AGBL1: variants seen among roughly 807,000 people sequenced by gnomAD.
AGBL1 encodes cytosolic carboxypeptidase 4.
Under a neutral mutation model 118.9 loss-of-function variants are expected in AGBL1, and 130 were observed. The ratio of observed to expected loss-of-function variants is 1.09; its 90% CI spans 0.95 to 1.26. The LOEUF is 1.26. AGBL1 is among the 50% of genes most tolerant of loss of function. The probability of loss-of-function intolerance (pLI) is 0.00; values close to 1 mark genes in which losing one functional copy is unlikely to be tolerated. For missense variants in AGBL1, 1,584 were observed against 1,298.1 expected (o/e 1.22, Z -3.38); for synonymous variants, 555 against 478.9 (o/e 1.16, Z -2.08).
At chr15:87,018,919 G>A (rs1003593928) in intron 24 of AGBL1, among the ~76,000 whole-genome samples, 6 of 152,008 alleles carry the variant, frequency 3.9e-5, no homozygotes, top group African/African-American at 7.2e-5. Context: ...CAAAATAAAG[G>A]AATGGAGGAA....
At chr15:86,628,069 C>A (rs141047535) in intron 21 of AGBL1, among the ~76,000 whole-genome samples, 173 of 152,258 alleles carry the variant, frequency 1.1e-3, no homozygotes, top group African/African-American at 3.9e-3. Flanking sequence ...TCTGTCTTTC[C>A]AAATAGTTCT....
In AGBL1 at chr15:86,362,150, T is replaced by C. The variant is rs537720502; in HGVS notation, c.2375-35216T>C. Among the ~76,000 whole-genome samples, 5 of 152,294 alleles carry C rather than the reference T, an allele frequency of 3.3e-5. 1 individual carries two copies. In the South Asian group the frequency reaches 8.3e-4, roughly 25 times the overall value. The stretch of plus-strand genomic sequence containing the variant: ...AAATTATCTTACAGTTATAACACTA[T>C]TTTTAGCTGCTAATAACTTCAGTCA... On this transcript the variant is annotated intron_variant, in intron 17 of 22. Coordinates refer to ENST00000614907, the MANE Select transcript of AGBL1 (RefSeq NM_001386094.1).
chr15:86,848,237 G>C (rs569767716), intron 22 of AGBL1, among the ~76,000 whole-genome samples: 19 of 152,180 alleles, frequency 1.2e-4, no homozygotes, highest in African/African-American at 4.3e-4. Context: ...CCTCGACTTT[G>C]TGTATGCATT....
chr15:86,406,697 T>C (rs2142003721), intron 18 of AGBL1, among the ~76,000 whole-genome samples: 1 of 152,336 alleles, frequency 6.6e-6, no homozygotes, highest in Non-Finnish European at 1.5e-5. Context: ...TTGACAGCTT[T>C]AGGTATATCA....
chr15:86,613,369 T>G lies in AGBL1; in HGVS notation c.2994+58832T>G, dbSNP rs2084682660. On this transcript the variant is annotated intron_variant, in intron 21 of 22. Transcript: ENST00000614907. The surrounding 1 kb of genome is among the most constrained non-coding windows in gnomAD (Gnocchi z 4.2). ...ATCTAATGGGGCAGTAGGACACCGG[T>G]TGGTGCGTGGACAGTTAGTGGGTGA... is the stretch of plus-strand genomic sequence containing the variant. 6.6e-6 allele frequency among the ~76,000 whole-genome samples: 1 copy of G among 152,136 alleles called. No individual in the cohort carries two copies. The highest frequency in any genetic ancestry group is 6.6e-5 in the Admixed American group (1 of 15,266).
At chr15:86,298,204 G>A (rs2141785821) in intron 17 of AGBL1, among the ~76,000 whole-genome samples, 1 of 123,926 alleles carries the variant, frequency 8.1e-6, no homozygotes, top group East Asian at 2.2e-4. Flanking sequence ...GTTTCAGCAG[G>A]GCTACATAAT....
At chr15:86,766,424 T>C (rs1567163752) in intron 22 of AGBL1, among the ~76,000 whole-genome samples, 1 of 152,034 alleles carries the variant, frequency 6.6e-6, no homozygotes, top group Non-Finnish European at 1.5e-5. Context: ...TTTGTAGGTC[T>C]AACCCTATGT....
At chr15:86,319,905 C>A (rs553641539) in intron 17 of AGBL1, among the ~76,000 whole-genome samples, 19 of 151,566 alleles carry the variant, frequency 1.3e-4, no homozygotes, top group African/African-American at 4.6e-4. Context: ...TACAGGCACC[C>A]GCCACCACAT....
At chr15:86,727,528 C>T (rs1447581496) in intron 22 of AGBL1, among the ~76,000 whole-genome samples, 1 of 152,088 alleles carries the variant, frequency 6.6e-6, no homozygotes, top group Non-Finnish European at 1.5e-5. Flanking sequence ...GATAGTTCTT[C>T]CCCAAGAACT....
chr15:86,543,199 C>T (rs183602287), intron 19 of AGBL1, among the ~76,000 whole-genome samples: 1 of 148,530 alleles, frequency 6.7e-6, no homozygotes, highest in East Asian at 1.9e-4. Flanking sequence ...TAGTGTTTGC[C>T]CTATTGTTTA....
At chr15:86,137,327 G>T (rs969135080) in intron 1 of AGBL1, among the ~76,000 whole-genome samples, 14 of 152,196 alleles carry the variant, frequency 9.2e-5, no homozygotes, top group Non-Finnish European at 1.9e-4. Context: ...TCTCTGGTTT[G>T]TTTGTGAAAC....
At chr15:86,637,275 C>T (rs542826157) in intron 21 of AGBL1, among the ~76,000 whole-genome samples, 1 of 151,950 alleles carries the variant, frequency 6.6e-6, no homozygotes, top group East Asian at 1.9e-4. Flanking sequence ...AGTGGAGGGT[C>T]ATGAAAAGTG....
intron 22 of AGBL1, among the ~76,000 whole-genome samples, chr15:86,863,730 T>C (rs1369669200): frequency 6.6e-6 from 1 of 152,174 alleles, no homozygotes; most frequent in African/African-American, 2.4e-5. Context: ...ATCATGGGCA[T>C]AACAAAGTAA....
intron 4 of AGBL1, 113 bp from the exon 5 acceptor site, chr15:86,158,820 G>C (rs1053725792): frequency 3.6e-6 from 3 of 842,896 alleles, no homozygotes; most frequent in African/African-American, 3.4e-5. Flanking sequence ...AAGAAAGGGA[G>C]CTATCTTGTT....
chr15:86,862,902 G>T lies in AGBL1; in HGVS notation c.3159-44185G>T, dbSNP rs537525193. Among the ~76,000 whole-genome samples the T allele has an allele frequency of 6.6e-5, 10 of 152,342 alleles. 1 individual carries two copies. In the East Asian group the frequency reaches 1.7e-3, roughly 26 times the overall value. Reference sequence around the variant, plus strand: ...GAAAATGCACTATGTAAGGAAAAGAGTCCTACATTAATTGGACCAAACATG... The same window carrying T: ...GAAAATGCACTATGTAAGGAAAAGATTCCTACATTAATTGGACCAAACATG... On this transcript the variant is annotated intron_variant, in intron 22 of 22. Transcript: ENST00000614907.
intron 21 of AGBL1, among the ~76,000 whole-genome samples, chr15:86,654,907 A>T (rs1567105942): frequency 6.6e-6 from 1 of 152,146 alleles, no homozygotes; most frequent in East Asian, 1.9e-4. Context: ...CCACTCTGGA[A>T]TCTCTCTCAG....
chr15:86,673,867 A>G (rs1406908688), intron 21 of AGBL1, among the ~76,000 whole-genome samples: 1 of 152,160 alleles, frequency 6.6e-6, no homozygotes, highest in Non-Finnish European at 1.5e-5. Flanking sequence ...AATTCAGAGG[A>G]AGGAAAAGTT....
At chr15:86,425,195 G>A (rs1596099236) in intron 18 of AGBL1, among the ~76,000 whole-genome samples, 1 of 152,166 alleles carries the variant, frequency 6.6e-6, no homozygotes, top group African/African-American at 2.4e-5. Context: ...ATACACCATG[G>A]AATACTATGC....
At chr15:86,279,585 C>A (rs1026232493) in intron 15 of AGBL1, 54 bp from the exon 16 acceptor site, 1 of 1,559,584 alleles carries the variant, frequency 6.4e-7, no homozygotes, top group East Asian at 2.3e-5. Context: ...AATGACCCTG[C>A]ACCCCCCTCC....
Sources: allele counts gnomAD v4.1 joint callset (sites outside exome capture counted in the v4.1 genomes callset), GRCh38; gene constraint gnomAD v4.1.1; non-coding constraint Gnocchi (gnomAD v3.1); transcripts MANE v1.5; gene names NCBI Gene and HGNC (gene_info 2026-07-23, HGNC 2026-07-21).